The following ANAPC1 variants were observed in gnomAD, a reference collection of about 807,000 sequenced individuals.
ANAPC1 encodes the protein anaphase promoting complex subunit 1, also known as anaphase-promoting complex subunit 1.
In ANAPC1, 36 loss-of-function variants were observed where a neutral mutation model predicts 208.0. The observed-to-expected ratio is 0.17, with a 90% CI of 0.13 to 0.23. The LOEUF (loss-of-function observed/expected upper bound fraction) is 0.23. ANAPC1 is among the 10% of genes least tolerant of loss of function. The probability of loss-of-function intolerance (pLI) is 1.00; values close to 1 mark genes in which losing one functional copy is unlikely to be tolerated. For missense variants in ANAPC1, 942 were observed against 2,011.6 expected (o/e 0.47, Z 10.17); for synonymous variants, 378 against 695.2 (o/e 0.54, Z 7.18).
At chr2:111,883,761 C>G (rs1683456843) in intron 1 of ANAPC1, among the ~76,000 whole-genome samples, 181 bp downstream of exon 1, 1 of 152,184 alleles carries the variant, frequency 6.6e-6, no homozygotes, top group Admixed American at 6.5e-5. Context: ...CACCCCAGCC[C>G]GCAGGCCAGG....
intron 14 of ANAPC1, among the ~76,000 whole-genome samples, chr2:111,849,669 C>G (rs975539955): frequency 6.6e-6 from 1 of 152,080 alleles, no homozygotes; most frequent in Non-Finnish European, 1.5e-5. Flanking sequence ...AACCAATCAG[C>G]TGACAAACTC....
chr2:111,835,068 G>A, intron 18 of ANAPC1, among the ~76,000 whole-genome samples, 196 bp from the exon 19 acceptor site: 1 of 151,238 alleles, frequency 6.6e-6, no homozygotes, highest in East Asian at 1.9e-4. Context: ...GTTAAGGCAA[G>A]CCACCTTTAA....
In ANAPC1 at chr2:111,834,604, C is replaced by G; in HGVS notation, c.2384G>C (p.Arg795Thr). The G allele has an allele frequency of 6.3e-7, 1 of 1,582,960 alleles. No homozygotes were observed. Residue 795 changes from arginine to threonine, a missense_variant and splice_region_variant, in exon 19 of 48, where the codon AGG becomes ACG. Coordinates refer to ENST00000341068, the MANE Select transcript of ANAPC1 (RefSeq NM_022662.4). ...GTTTCTAACCTACAAACAAATTTAC[C>G]TTGCCAACTGAACGAGAAGTTCAAC... ...SLVELLVQLA[R>T]DLKLGPYVDH...
At position 111,873,294 on chromosome 2, in the gene ANAPC1, A is replaced by G. The variant is rs1278028679; in HGVS notation, c.528+14T>C. ...TCCAACAAAACCCCCCCAAAATTTG[A>G]AACACTTGTTTACCTGAAATGGTAA... On this transcript the variant is annotated intron_variant, in intron 5 of 47. Transcript: ENST00000341068. 6.3e-7 allele frequency: 1 copy of G among 1,585,710 alleles called. No individual in the cohort carries two copies. Among genetic ancestry groups the G allele is most frequent in the African/African-American group, 1.4e-5 (1 of 73,420 alleles).
chr2:111,839,595 T>C (rs908385868), intron 17 of ANAPC1, among the ~76,000 whole-genome samples: 1 of 152,228 alleles, frequency 6.6e-6, no homozygotes, highest in Non-Finnish European at 1.5e-5. Context: ...TATTTAAAAC[T>C]GAATGTTATT....
chr2:111,802,242 T>C (rs552550118), intron 33 of ANAPC1, among the ~76,000 whole-genome samples, 186 bp downstream of exon 33: 5 of 152,342 alleles, frequency 3.3e-5, no homozygotes, highest in African/African-American at 1.2e-4. Flanking sequence ...TTGCCATTCA[T>C]TCATTCATGG....
At chr2:111,853,817 C>T (rs1196560580) in intron 13 of ANAPC1, among the ~76,000 whole-genome samples, 3 of 152,074 alleles carry the variant, frequency 2.0e-5, no homozygotes, top group African/African-American at 4.8e-5. Flanking sequence ...CCTGGGTTCA[C>T]GCCAGTCTCC....
At chr2:111,883,165 CAAA>C (rs141124163) in intron 1 of ANAPC1, among the ~76,000 whole-genome samples, 23 of 108,528 alleles carry the variant, frequency 2.1e-4, no homozygotes, top group East Asian at 1.0e-3. Context: ...GACTCCTTCT[CAAA>C]AAAAAAAAAA....
chr2:111,872,883 C>T (rs1160129621), intron 5 of ANAPC1, 171 bp from the exon 6 acceptor site: 6 of 590,816 alleles, frequency 1.0e-5, no homozygotes, highest in Non-Finnish European at 1.5e-5. Flanking sequence ...ATAAGCAACT[C>T]TAAGATAAAA....
At chr2:111,823,270 G>A (rs1679644476) in intron 24 of ANAPC1, among the ~76,000 whole-genome samples, 1 of 151,784 alleles carries the variant, frequency 6.6e-6, no homozygotes, top group Non-Finnish European at 1.5e-5. Flanking sequence ...ACCCGCCTCG[G>A]CCTCCCAAAG....
intron 10 of ANAPC1, among the ~76,000 whole-genome samples, chr2:111,860,458 A>G (rs1445292386): frequency 1.4e-5 from 2 of 144,700 alleles, no homozygotes; most frequent in Non-Finnish European, 3.0e-5. Flanking sequence ...CTGTATGCCT[A>G]TGTTCATTTC....
At chr2:111,855,913 T>C (rs1196761387) in intron 13 of ANAPC1, among the ~76,000 whole-genome samples, 2 of 152,200 alleles carry the variant, frequency 1.3e-5, no homozygotes, top group African/African-American at 2.4e-5. Context: ...AAATGTATAT[T>C]CTCTACGTAC....
intron 10 of ANAPC1, among the ~76,000 whole-genome samples, chr2:111,860,807 T>C (rs1330522546): frequency 6.6e-6 from 1 of 151,974 alleles, no homozygotes; most frequent in Non-Finnish European, 1.5e-5. Context: ...ATTTTAACTA[T>C]TTGGAGGCCA....
intron 5 of ANAPC1, 80 bp downstream of exon 5, chr2:111,873,228 C>T: frequency 7.6e-7 from 1 of 1,311,366 alleles, no homozygotes. Flanking sequence ...AAACATGAGA[C>T]ATAAGACATG....
chr2:111,767,421 A>C (rs1676502569), downstream of ANAPC1, among the ~76,000 whole-genome samples: 1 of 146,578 alleles, frequency 6.8e-6, no homozygotes, highest in African/African-American at 2.5e-5. Flanking sequence ...AAATAGCTGC[A>C]ATTGATTTAT....
chr2:111,842,511 C>T (rs1157454144), intron 17 of ANAPC1, among the ~76,000 whole-genome samples: 3 of 152,038 alleles, frequency 2.0e-5, no homozygotes, highest in East Asian at 1.9e-4. Flanking sequence ...GGCGTGGTGG[C>T]GGGCGCCTGT....
chr2:111,859,411 C>T (rs966740376), intron 10 of ANAPC1, among the ~76,000 whole-genome samples: 3 of 151,942 alleles, frequency 2.0e-5, no homozygotes, highest in African/African-American at 7.3e-5. Context: ...GCAGAGGTTG[C>T]GGTGAGCCAA....
intron 14 of ANAPC1, among the ~76,000 whole-genome samples, chr2:111,850,290 T>G (rs1395024408): frequency 1.3e-5 from 2 of 151,572 alleles, no homozygotes; most frequent in African/African-American, 4.9e-5. Context: ...TGTGCCTGTG[T>G]GGTTTCTCCT....
rs1046041629 is a variant in ANAPC1 at position 111,767,839 on chromosome 2, A to G, written c.*1452T>C. On this transcript the variant is annotated 3_prime_UTR_variant, in exon 48 of 48. Coordinates refer to ENST00000341068, the MANE Select transcript of ANAPC1 (RefSeq NM_022662.4). ...AGAAGCACATTTCAGCCTCTCAGTC[A>G]GCCCCATCGTGCCTCTGCTTCACAT... is the stretch of plus-strand genomic sequence containing the variant. The G allele has an allele frequency of 1.3e-5, 2 of 152,234 alleles. No individual in the cohort carries two copies. The highest frequency in any genetic ancestry group is 2.9e-5 in the Non-Finnish European group (2 of 68,042). The allele number at this position is 152,234 out of a possible 1,614,324, so 9.4% of individuals were successfully genotyped here.
Sources: gnomAD v4.1 joint callset for allele counts (sites outside exome capture counted in the v4.1 genomes callset) on GRCh38, gnomAD v4.1.1 for gene constraint, MANE v1.5 for transcripts, NCBI Gene and HGNC (gene_info 2026-07-23, HGNC 2026-07-21) for gene names.